The following SIPA1L3 variants were observed in gnomAD, a reference collection of about 807,000 sequenced individuals.
SIPA1L3 encodes the protein signal induced proliferation associated 1 like 3.
In SIPA1L3, 59 loss-of-function variants were observed where a neutral mutation model predicts 150.1. The observed-to-expected ratio is 0.39, with a 90% CI of 0.32 to 0.49. The LOEUF (loss-of-function observed/expected upper bound fraction) is 0.49. SIPA1L3 is among the 20% of genes least tolerant of loss of function. The probability of loss-of-function intolerance (pLI) is 0.86; values close to 1 mark genes in which losing one functional copy is unlikely to be tolerated. For missense variants in SIPA1L3, 2,211 were observed against 2,489.5 expected, an observed-to-expected ratio of 0.89 and a Z score of 2.38; for synonymous variants, 1,070 against 1,077.6, an observed-to-expected ratio of 0.99 and a Z score of 0.14.
intron 18 of SIPA1L3, 141 bp from the exon 19 acceptor site, chr19:38,198,248 C>G: frequency 2.0e-6 from 2 of 990,856 alleles, no homozygotes; most frequent in Non-Finnish European, 2.8e-6. Context: ...TCTGTAGGCT[C>G]CAGCACTCCC....
intron 1 of SIPA1L3, among the ~76,000 whole-genome samples, chr19:37,981,363 G>T (rs1967196888): frequency 6.6e-6 from 1 of 151,210 alleles, no homozygotes. Flanking sequence ...GGTCAAGGCT[G>T]CAGTGACCTA....
intron 15 of SIPA1L3, among the ~76,000 whole-genome samples, chr19:38,179,720 G>T (rs915717731): frequency 2.0e-5 from 3 of 152,132 alleles, no homozygotes; most frequent in Non-Finnish European, 4.4e-5. Flanking sequence ...GTTAAGAGAA[G>T]AAATAAGAAA....
intron 1 of SIPA1L3, among the ~76,000 whole-genome samples, chr19:37,986,947 A>T (rs2145627016): frequency 1.3e-5 from 2 of 151,990 alleles, no homozygotes; most frequent in South Asian, 4.2e-4. Context: ...TTGCTTTTTG[A>T]GATAGAGTCT....
At chr19:38,106,308 T>C (rs912662503) in intron 6 of SIPA1L3, 8 of 401,548 alleles carry the variant, frequency 2.0e-5, no homozygotes, top group African/African-American at 4.2e-5. Flanking sequence ...GGTTTCACCA[T>C]GTTGGCCAGG....
intron 1 of SIPA1L3, among the ~76,000 whole-genome samples, chr19:37,993,853 G>A (rs763767302): frequency 6.6e-6 from 1 of 152,152 alleles, no homozygotes. Context: ...TTTAATAGCT[G>A]TACTTTTATT....
intron 1 of SIPA1L3, among the ~76,000 whole-genome samples, chr19:37,911,203 CAGTTATCTTTTTCTG>C: frequency 6.6e-6 from 1 of 151,804 alleles, no homozygotes. Flanking sequence ...ACAGATGCTT[CAGTTATCTTTTTCTG>C]TGTTTATATT....
At chr19:37,981,297 G>A (rs2051580923) in intron 1 of SIPA1L3, among the ~76,000 whole-genome samples, 1 of 151,980 alleles carries the variant, frequency 6.6e-6, no homozygotes, top group African/African-American at 2.4e-5. Context: ...GGTGGCACGT[G>A]ACTGTAGTCT....
chr19:37,992,034 C>T (rs1967521011), intron 1 of SIPA1L3, among the ~76,000 whole-genome samples: 1 of 152,228 alleles, frequency 6.6e-6, no homozygotes, highest in African/African-American at 2.4e-5. Flanking sequence ...TCATCTTATG[C>T]AGAGTGTTCA....
rs768174642 is a variant in SIPA1L3 at position 37,973,556 on chromosome 19, C to G, written c.-378-55533C>G. 5.2e-3 allele frequency among the ~76,000 whole-genome samples: 212 copies of G among 40,872 alleles called. 1 individual carries two copies. The highest frequency in any genetic ancestry group is 7.9e-3 in the African/African-American group (73 of 9,240). 26.8% of individuals were successfully genotyped at this position (40,872 alleles called of 152,430 possible). On this transcript the variant is annotated intron_variant, in intron 1 of 21. Transcript: ENST00000222345. ...GGCCAAAAAAAAAAAAAAAAAAAAGCGGGAGGGGGGCGCATCTTGAAGCAC... is the reference window on the plus strand; with the variant it reads ...GGCCAAAAAAAAAAAAAAAAAAAAGGGGGAGGGGGGCGCATCTTGAAGCAC...
intron 9 of SIPA1L3, among the ~76,000 whole-genome samples, chr19:38,125,030 G>A (rs1299378917): frequency 1.3e-5 from 2 of 151,672 alleles, no homozygotes; most frequent in Admixed American, 1.3e-4. Context: ...AGAGGGAGAG[G>A]GAGAGGGAGC....
chr19:38,097,008 A>G (rs1234907312), intron 4 of SIPA1L3, among the ~76,000 whole-genome samples: 1 of 152,220 alleles, frequency 6.6e-6, no homozygotes, highest in Non-Finnish European at 1.5e-5. Context: ...GCATAGCTGC[A>G]GCTCATATAT....
intron 19 of SIPA1L3, 93 bp downstream of exon 19, chr19:38,198,625 C>A: frequency 8.2e-7 from 1 of 1,217,318 alleles, no homozygotes; most frequent in South Asian, 2.9e-5. Context: ...CAGGGATACC[C>A]ACTCAGGTTC....
intron 2 of SIPA1L3, among the ~76,000 whole-genome samples, chr19:38,041,059 G>C (rs910353160): frequency 3.3e-5 from 5 of 151,444 alleles, no homozygotes; most frequent in African/African-American, 1.2e-4. Context: ...CACCGTGTCC[G>C]GCCCCTATCG....
intron 1 of SIPA1L3, among the ~76,000 whole-genome samples, chr19:37,970,844 T>C (rs1966915296): frequency 6.6e-6 from 1 of 152,242 alleles, no homozygotes. Context: ...GTGGCTTAAA[T>C]GCGAGGGCAG....
intron 1 of SIPA1L3, among the ~76,000 whole-genome samples, chr19:37,962,713 G>A (rs353413): frequency 0.82 from 125,040 of 151,876 alleles, 52,063 homozygotes; most frequent in African/African-American, 0.94. Context: ...GCTGGTCTCA[G>A]ACTCCTGGGC....
rs79530056 is a variant in SIPA1L3, at chr19:38,054,818, C to T, written c.-311+25662C>T. On this transcript the variant is annotated intron_variant, in intron 2 of 21. Transcript: ENST00000222345. ...GTCCCCACTTTCCAGGGGCATCACA[C>T]GACCTTCCTGGCCTGTGGTCGCTGC... is the stretch of plus-strand genomic sequence containing the variant. Among the ~76,000 whole-genome samples, 445 of 152,312 alleles carry T rather than the reference C, an allele frequency of 2.9e-3. 1 individual carries two copies. Among genetic ancestry groups the T allele is most frequent in the South Asian group, 1.0e-2 (48 of 4,824 alleles).
At chr19:37,909,973 TA>T (rs34356507) in intron 1 of SIPA1L3, among the ~76,000 whole-genome samples, 23,899 of 143,048 alleles carry the variant, frequency 0.17, 2,022 homozygotes, top group Middle Eastern at 0.28. Context: ...AGCAGTGGCT[TA>T]AAAAAAAAAA....
At chr19:38,023,281 T>C (rs1968420582) in intron 1 of SIPA1L3, among the ~76,000 whole-genome samples, 2 of 152,136 alleles carry the variant, frequency 1.3e-5, no homozygotes, top group Non-Finnish European at 2.9e-5. Context: ...GTACAGGAAA[T>C]GAGAAAGAGA....
At chr19:38,142,401 C>T (rs1219673282) in intron 11 of SIPA1L3, among the ~76,000 whole-genome samples, 172 bp from the exon 12 acceptor site, 1 of 152,146 alleles carries the variant, frequency 6.6e-6, no homozygotes, top group South Asian at 2.1e-4. Flanking sequence ...TCAGCATCCT[C>T]CCCTTCATCC....
Sources: gnomAD v4.1 joint callset for allele counts (sites outside exome capture counted in the v4.1 genomes callset) on GRCh38, gnomAD v4.1.1 for gene constraint, MANE v1.5 for transcripts, NCBI Gene and HGNC (gene_info 2026-07-23, HGNC 2026-07-21) for gene names.